SEC31A: variants seen among roughly 807,000 people sequenced by gnomAD.
SEC31A encodes the protein protein transport protein Sec31A.
A neutral mutation model predicts 151.0 loss-of-function variants in SEC31A; 70 were observed. The observed-to-expected ratio is 0.46, with a 90% confidence interval of 0.38 to 0.57. The LOEUF is 0.57. Among genes scored for constraint, SEC31A ranks in the 20% least tolerant of loss-of-function variants. SEC31A has a pLI of 0.00. For missense variants in SEC31A, 1,330 were observed against 1,471.2 expected, an observed-to-expected ratio of 0.90 and a Z score of 1.57; for synonymous variants, 475 against 505.9, an observed-to-expected ratio of 0.94 and a Z score of 0.82.
intron 10 of SEC31A, among the ~76,000 whole-genome samples, chr4:82,865,502 A>T (rs1735102694): frequency 7.3e-6 from 1 of 137,658 alleles, no homozygotes; most frequent in African/African-American, 2.6e-5. Context: ...AGCAACCAAA[A>T]TGACCATCAA....
Position 82,837,178 on chromosome 4 carries a change from TATATATATATATATATATATA to T in SEC31A, c.2968+4941_2968+4961del, listed in dbSNP as rs1170803446. On this transcript the variant is annotated intron_variant, in intron 22 of 26. Transcript: ENST00000395310. ...TTTATCATATATATATATATATATA[TATATATATATATATATATATA>T]ATTTCACCACAATAAAAACTTTAAT... 1.5e-3 allele frequency among the ~76,000 whole-genome samples: 74 copies of T among 50,412 alleles called. 3 individuals carry two copies. The East Asian group carries it at 0.016, about 11-fold the overall frequency. The allele number at this position is 50,412 out of a possible 152,430, so 33.1% of individuals were successfully genotyped here.
intron 22 of SEC31A, among the ~76,000 whole-genome samples, chr4:82,839,753 A>T (rs1728309807): frequency 6.6e-6 from 1 of 152,210 alleles, no homozygotes; most frequent in Non-Finnish European, 1.5e-5. Flanking sequence ...CAAAGCAGAC[A>T]AGCATACTGC....
intron 20 of SEC31A, among the ~76,000 whole-genome samples, chr4:82,848,303 C>G (rs1411598710): frequency 1.1e-5 from 1 of 90,264 alleles, no homozygotes; most frequent in Non-Finnish European, 2.2e-5. Flanking sequence ...TCTCTAATAT[C>G]TAAATTGTCC....
At chr4:82,853,243 C>T (rs1007271408) in intron 18 of SEC31A, among the ~76,000 whole-genome samples, 2 of 152,142 alleles carry the variant, frequency 1.3e-5, no homozygotes, top group Admixed American at 1.3e-4. Flanking sequence ...TCTTTCTTTG[C>T]TCATGGCAGG....
At chr4:82,837,052 C>T (rs1315726423) in intron 22 of SEC31A, among the ~76,000 whole-genome samples, 1 of 150,744 alleles carries the variant, frequency 6.6e-6, no homozygotes, top group East Asian at 1.9e-4. Flanking sequence ...TATACACCCA[C>T]TATGTACCCC....
At chr4:82,859,485 A>G (rs1322302691) in intron 14 of SEC31A, among the ~76,000 whole-genome samples, 4 of 151,952 alleles carry the variant, frequency 2.6e-5, no homozygotes, top group Admixed American at 2.6e-4. Flanking sequence ...ATGAGATGAA[A>G]TATCTGTCTT....
rs555840581 is a variant in SEC31A, at chr4:82,884,285, G to A, written c.-4-2345C>T. The stretch of plus-strand genomic sequence containing the variant: ...ATTACAGGGGTGAGCCACTGCGCCC[G>A]GCCATCATTCGACAATTTTTCTATT... On this transcript the variant is annotated intron_variant, in intron 1 of 26. Coordinates refer to ENST00000395310, the MANE Select transcript of SEC31A (RefSeq NM_001077207.4). Among the ~76,000 whole-genome samples the A allele has an allele frequency of 9.2e-5, 14 of 151,920 alleles. No homozygotes were observed. The East Asian group carries it at 2.1e-3, about 23-fold the overall frequency.
chr4:82,839,802 C>CACT (rs1728324157), intron 22 of SEC31A, among the ~76,000 whole-genome samples: 3 of 152,176 alleles, frequency 2.0e-5, no homozygotes, highest in Non-Finnish European at 2.9e-5. Flanking sequence ...CTTCCTCTTC[C>CACT]TGTTAGTCAC....
Position 82,861,627 on chromosome 4 carries a change from G to T in SEC31A, c.1626+4C>A. The T allele has an allele frequency of 6.3e-7, 1 of 1,587,216 alleles. No homozygotes were observed. The highest frequency in any genetic ancestry group is 8.6e-7 in the Non-Finnish European group (1 of 1,160,224). On this transcript the variant is annotated splice_donor_region_variant and intron_variant, in intron 14 of 26. Coordinates refer to ENST00000395310, the MANE Select transcript of SEC31A (RefSeq NM_001077207.4). ...CCAATATAATATGAAAAAAAAATAA[G>T]TACCTCTCCCAAGAGCTGCTCTTCA...
Position 82,827,488 on chromosome 4 carries a change from G to C in SEC31A, c.3172C>G (p.Pro1058Ala). 6.2e-7 allele frequency: 1 copy of C among 1,614,210 alleles called. No individual in the cohort carries two copies. ...ACGCCATGGAAGGGCTGGCCACCTGGAAGATGTGGCTGTGGGAATGAAGAC... is the reference window on the plus strand; with the variant it reads ...ACGCCATGGAAGGGCTGGCCACCTGCAAGATGTGGCTGTGGGAATGAAGAC... ...SQSSFPQPHLPGGQPFHGVQQ... is the reference protein window; with the variant it reads ...SQSSFPQPHLAGGQPFHGVQQ... The change falls in exon 24 of 27, where the codon CCA becomes GCA. Residue 1058 changes from proline to alanine, a missense_variant. By Grantham distance (27) the Pro-to-Ala change is conservative (BLOSUM62 -1). Coordinates refer to ENST00000395310, the MANE Select transcript of SEC31A (RefSeq NM_001077207.4).
At chr4:82,856,516 C>G (rs1251831181) in intron 16 of SEC31A, among the ~76,000 whole-genome samples, 3 of 151,260 alleles carry the variant, frequency 2.0e-5, no homozygotes, top group Non-Finnish European at 4.4e-5. Context: ...TTTGGGAGAC[C>G]GAGGTGGGCG....
intron 19 of SEC31A, among the ~76,000 whole-genome samples, chr4:82,849,719 TAA>T (rs1177840794): frequency 2.0e-5 from 3 of 151,024 alleles, no homozygotes; most frequent in Non-Finnish European, 3.0e-5. Context: ...ATGAAAATGT[TAA>T]AAGAGATTTT....
intron 1 of SEC31A, among the ~76,000 whole-genome samples, chr4:82,890,176 T>C (rs1298119006): frequency 2.5e-5 from 3 of 121,654 alleles, no homozygotes; most frequent in Admixed American, 2.3e-4. Flanking sequence ...CACTCCAGCC[T>C]GGGTGACAGA....
chr4:82,874,605 A>G lies in SEC31A; in HGVS notation c.639+6T>C, dbSNP rs1246372982. ...CATGTTCATCACAAGTCAATCACAT[A>G]CTTACTCTGTTACTATGGTCACTGA... On this transcript the variant is annotated splice_donor_region_variant and intron_variant, in intron 6 of 26. Coordinates refer to ENST00000395310, the MANE Select transcript of SEC31A (RefSeq NM_001077207.4). 1 of 1,602,342 alleles carries G rather than the reference A, an allele frequency of 6.2e-7. No homozygotes were observed. The highest frequency in any genetic ancestry group is 8.5e-7 in the Non-Finnish European group (1 of 1,177,280).
At position 82,859,823 on chromosome 4, in the gene SEC31A, G is replaced by A. The variant is rs1425702082; in HGVS notation, c.1626+1808C>T. 8.3e-5 allele frequency among the ~76,000 whole-genome samples: 12 copies of A among 144,742 alleles called. 1 individual carries two copies. The highest frequency in any genetic ancestry group is 2.1e-4 in the Admixed American group (3 of 14,304). The allele number at this position is 144,742 out of a possible 152,430, so 95.0% of individuals were successfully genotyped here. A position where few individuals can be genotyped will look rare whatever the true frequency, so the allele number is the denominator to read the frequency against. On this transcript the variant is annotated intron_variant, in intron 14 of 26. Coordinates refer to ENST00000395310, the MANE Select transcript of SEC31A (RefSeq NM_001077207.4). ...TTTTTTTTTTTTGAGACAGGGTCTC[G>A]CTCTGTCGCCCAGGCTGGAGTGCAG...
At chr4:82,856,566 C>T (rs955751181) in intron 16 of SEC31A, among the ~76,000 whole-genome samples, 1 of 151,810 alleles carries the variant, frequency 6.6e-6, no homozygotes, top group South Asian at 2.1e-4. Flanking sequence ...GCCTGACCAA[C>T]ATGGTGAAAC....
At chr4:82,899,440 A>T (rs1720211322) in intron 3 of SEC31A, 1 of 152,230 alleles carries the variant, frequency 6.6e-6, no homozygotes, top group Non-Finnish European at 1.5e-5. Context: ...ATTTTTATTC[A>T]GCCTCACTCG....
At chr4:82,872,761 T>C (rs1236908035) in intron 6 of SEC31A, among the ~76,000 whole-genome samples, 6 of 152,052 alleles carry the variant, frequency 3.9e-5, no homozygotes, top group Admixed American at 1.3e-4. Context: ...TGGAGTGCAG[T>C]GTGGCACGAT....
intron 24 of SEC31A, 53 bp from the exon 25 acceptor site, chr4:82,824,727 T>C (rs1345939493): frequency 5.8e-5 from 92 of 1,583,892 alleles, no homozygotes; most frequent in South Asian, 1.5e-4. Flanking sequence ...CTACCTTATA[T>C]ACACAATCTT....
Sources: allele counts gnomAD v4.1 joint callset (sites outside exome capture counted in the v4.1 genomes callset), GRCh38; gene constraint gnomAD v4.1.1; transcripts MANE v1.5; gene names NCBI Gene and HGNC (gene_info 2026-07-23, HGNC 2026-07-21).